The following POLR1F variants were observed in gnomAD, a reference collection of about 807,000 sequenced individuals.
POLR1F encodes DNA-directed RNA polymerase I subunit RPA43.
A neutral mutation model predicts 21.8 loss-of-function variants in POLR1F; 23 were observed. The observed-to-expected ratio is 1.05, with a 90% CI of 0.76 to 1.49. The LOEUF (loss-of-function observed/expected upper bound fraction) is 1.49. POLR1F is among the 40% of genes most tolerant of loss of function. The pLI, the probability that POLR1F is intolerant of heterozygous loss-of-function variation, is 0.00. For synonymous variants in POLR1F, 162 were observed against 152.8 expected (o/e 1.06, Z -0.45); for missense variants, 435 against 412.1 (o/e 1.06, Z -0.48).
In POLR1F at chr7:19,700,232, C is replaced by G. The variant is rs759377632; in HGVS notation, c.445G>C (p.Gly149Arg). 22 of 1,613,848 alleles carry G rather than the reference C, an allele frequency of 1.4e-5. No individual in the cohort carries two copies. The highest frequency in any genetic ancestry group is 1.7e-5 in the Non-Finnish European group (20 of 1,179,804). Residue 149 changes from glycine to arginine, a missense_variant, in exon 3 of 4, where the codon GGG becomes CGG. Coordinates refer to ENST00000222567, the MANE Select transcript of POLR1F (RefSeq NM_001002926.2). ...SSSHIGCLVH[G>R]CFNASIPKPE... ...TTAGGAATGGAGGCATTGAAACACC[C>G]ATGTACTAAACAGCCAATGTGGCTA...
At chr7:19,703,651 T>C (rs1031502136) in intron 2 of POLR1F, among the ~76,000 whole-genome samples, 16 of 152,196 alleles carry the variant, frequency 1.1e-4, no homozygotes, top group African/African-American at 3.1e-4. Flanking sequence ...CTGGAATGCA[T>C]TGGCGCAATC....
At chr7:19,700,651 G>A (rs1293609664) in intron 2 of POLR1F, among the ~76,000 whole-genome samples, 1 of 152,116 alleles carries the variant, frequency 6.6e-6, no homozygotes, top group African/African-American at 2.4e-5. Context: ...TTACTCTTTA[G>A]CTACATTGAA....
chr7:19,708,732 C>G, intron 1 of POLR1F, 31 bp downstream of exon 1: 1 of 1,586,456 alleles, frequency 6.3e-7, no homozygotes, highest in African/African-American at 1.3e-5. Flanking sequence ...TTCCCGTGCA[C>G]AAAAGAAGGA....
In POLR1F at chr7:19,708,916, T is replaced by G; in HGVS notation, c.101A>C (p.Tyr34Ser). 1 of 1,613,970 alleles carries G rather than the reference T, an allele frequency of 6.2e-7. No individual in the cohort carries two copies. The highest frequency in any genetic ancestry group is 8.5e-7 in the Non-Finnish European group (1 of 1,179,958). ...GTTCACCAGCGCACAAGCAGCGGCA[T>G]AAGTCGGCAACTCTAGGCAAGGCAG... ...GVLPCLELPT[Y>S]AAACALVNSR... Residue 34 changes from tyrosine (Y) to serine (S), a missense_variant, in exon 1 of 4, where the codon TAT becomes TCT. By Grantham distance (144) the Tyr-to-Ser change is moderately radical (BLOSUM62 -2). Transcript: ENST00000222567.
intron 3 of POLR1F, among the ~76,000 whole-genome samples, chr7:19,699,346 C>G (rs1486868107): frequency 6.6e-6 from 1 of 152,132 alleles, no homozygotes; most frequent in African/African-American, 2.4e-5. Flanking sequence ...GCACATGTAC[C>G]TAATCACTAC....
At chr7:19,702,095 G>C (rs539451066) in intron 2 of POLR1F, among the ~76,000 whole-genome samples, 4 of 152,112 alleles carry the variant, frequency 2.6e-5, no homozygotes, top group Non-Finnish European at 4.4e-5. Flanking sequence ...GAAACTCATA[G>C]AATGTACAAC....
intron 2 of POLR1F, 36 bp downstream of exon 2, chr7:19,704,743 T>C (rs745842987): frequency 3.2e-6 from 5 of 1,547,846 alleles, no homozygotes; most frequent in Middle Eastern, 2.1e-4. Context: ...ATTATAGAAT[T>C]ATACAAAGGG....
At chr7:19,699,779 T>TA (rs200956895) in intron 3 of POLR1F, among the ~76,000 whole-genome samples, 1 of 151,182 alleles carries the variant, frequency 6.6e-6, no homozygotes, top group Non-Finnish European at 1.5e-5. Context: ...AGGTCAACTT[T>TA]AAAAAAAAAG....
intron 1 of POLR1F, 50 bp from the exon 2 acceptor site, chr7:19,704,970 T>C: frequency 1.3e-6 from 2 of 1,529,090 alleles, no homozygotes; most frequent in Non-Finnish European, 1.7e-6. Flanking sequence ...CTTTTATTTA[T>C]TTATGTTTTT....
intron 1 of POLR1F, among the ~76,000 whole-genome samples, chr7:19,708,292 A>G (rs2072187): frequency 0.12 from 18,562 of 152,242 alleles, 1,967 homozygotes; most frequent in East Asian, 0.59. Flanking sequence ...AAGGTCCTTC[A>G]TGTTTTACAA....
Position 19,709,025 on chromosome 7 carries a change from T to A in POLR1F, c.-9A>T. 1 of 1,562,640 alleles carries A rather than the reference T, an allele frequency of 6.4e-7. No individual in the cohort carries two copies. ...GAGCAACCTGCAGCCATGCTGCTTG[T>A]CAAGGTTCCCACGGCGCGCGCCGTT... On this transcript the variant is annotated 5_prime_UTR_variant, in exon 1 of 4. Coordinates refer to ENST00000222567, the MANE Select transcript of POLR1F (RefSeq NM_001002926.2).
chr7:19,708,779 G>A lies in POLR1F; in HGVS notation c.238C>T (p.Leu80Phe), dbSNP rs1783573580. The change falls in exon 1 of 4, where the codon CTT becomes TTT. Residue 80 changes from leucine to phenylalanine, a missense_variant. By Grantham distance (22) the Leu-to-Phe change is conservative (BLOSUM62 0). Transcript: ENST00000222567. ...GIREQLDAEL[L>F]RYSESLLGVP... ...GATCGGTACCTCTCAGAATAGCGAA[G>A]GAGCTCCGCATCAAGCTGTTCTCGA... The A allele has an allele frequency of 6.2e-7, 1 of 1,612,234 alleles. No individual in the cohort carries two copies. Among genetic ancestry groups the A allele is most frequent in the Non-Finnish European group, 8.5e-7 (1 of 1,178,382 alleles).
chr7:19,708,439 C>A (rs184728476), intron 1 of POLR1F, among the ~76,000 whole-genome samples: 1 of 152,182 alleles, frequency 6.6e-6, no homozygotes, highest in South Asian at 2.1e-4. Flanking sequence ...GAATGCCAAA[C>A]AGAACTGGGC....
chr7:19,698,468 C>G lies in POLR1F; in HGVS notation c.865G>C (p.Asp289His), dbSNP rs1783403735. Reference sequence around the variant, plus strand: ...CTGCCTTGGAAAACAGGGTCCTGGTCCTGAACTTCCTGGTGCTTTTTCTTC... The same window carrying G: ...CTGCCTTGGAAAACAGGGTCCTGGTGCTGAACTTCCTGGTGCTTTTTCTTC... ...KKKKKHQEVQ[D>H]QDPVFQGSDS... The change falls in exon 4 of 4, where the codon GAC (aspartate) becomes CAC (histidine). Residue 289 changes from aspartate to histidine, a missense_variant. Asp to His is a moderately conservative substitution (Grantham distance 81, BLOSUM62 -1). Transcript: ENST00000222567. The G allele has an allele frequency of 6.2e-7, 1 of 1,612,410 alleles. No homozygotes were observed. The highest frequency in any genetic ancestry group is 1.1e-5 in the South Asian group (1 of 90,764).
chr7:19,703,641 C>T (rs751888448), intron 2 of POLR1F, among the ~76,000 whole-genome samples: 9 of 152,144 alleles, frequency 5.9e-5, no homozygotes, highest in Non-Finnish European at 1.0e-4. Flanking sequence ...GTTGCCTAGG[C>T]TGGAATGCAT....
At position 19,709,001 on chromosome 7, in the gene POLR1F, A is replaced by G. The variant is rs1384654539; in HGVS notation, c.16T>C (p.Ser6Pro). The change falls in exon 1 of 4, where the codon TCA (serine) becomes CCA (proline). Residue 6 changes from serine to proline, a missense_variant. Ser to Pro is a moderately conservative substitution (Grantham distance 74, BLOSUM62 -1). Coordinates refer to ENST00000222567, the MANE Select transcript of POLR1F (RefSeq NM_001002926.2). ...GCCGCCGCTGGCCGCGGCGCCTCTGAGCAACCTGCAGCCATGCTGCTTGTC... is the reference window on the plus strand; with the variant it reads ...GCCGCCGCTGGCCGCGGCGCCTCTGGGCAACCTGCAGCCATGCTGCTTGTC... MAAGC[S>P]EAPRPAAASD... The G allele has an allele frequency of 1.9e-6, 3 of 1,586,852 alleles. No individual in the cohort carries two copies. The highest frequency in any genetic ancestry group is 2.6e-6 in the Non-Finnish European group (3 of 1,165,916).
chr7:19,700,411 G>A, intron 2 of POLR1F, 131 bp from the exon 3 acceptor site: 1 of 698,206 alleles, frequency 1.4e-6, no homozygotes. Flanking sequence ...ATTTAATATG[G>A]AAAAAGTTTA....
At chr7:19,705,780 G>A (rs950855673) in intron 1 of POLR1F, among the ~76,000 whole-genome samples, 17 of 152,140 alleles carry the variant, frequency 1.1e-4, no homozygotes, top group African/African-American at 3.9e-4. Flanking sequence ...GGTGGGAGGC[G>A]GAGGGTGTGG....
chr7:19,705,827 G>A lies in POLR1F; in HGVS notation c.255-907C>T, dbSNP rs76941173. Among the ~76,000 whole-genome samples, 46 of 152,222 alleles carry A rather than the reference G, an allele frequency of 3.0e-4. No individual in the cohort carries two copies. The East Asian group carries it at 7.9e-3, about 26-fold the overall frequency. Reference sequence around the variant, plus strand: ...CTCAGCACTGCACTCCAGCCTGAGCGACAGAGGGAGACTCCATCTCAAACA... The same window carrying A: ...CTCAGCACTGCACTCCAGCCTGAGCAACAGAGGGAGACTCCATCTCAAACA... On this transcript the variant is annotated intron_variant, in intron 1 of 3. Coordinates refer to ENST00000222567, the MANE Select transcript of POLR1F (RefSeq NM_001002926.2).
Sources: allele counts gnomAD v4.1 joint callset (sites outside exome capture counted in the v4.1 genomes callset), GRCh38; gene constraint gnomAD v4.1.1; transcripts MANE v1.5; gene names NCBI Gene and HGNC (gene_info 2026-07-23, HGNC 2026-07-21).